Variants in PRUNE2 observed in about 807,000 individuals in gnomAD.
The protein encoded by PRUNE2 is prune homolog 2 with BCH domain.
A neutral mutation model predicts 252.0 loss-of-function variants in PRUNE2; 164 were observed. That is an observed-to-expected ratio of 0.65 (90% CI 0.57 to 0.74). The LOEUF is 0.74. PRUNE2 is among the 30% of genes least tolerant of loss of function. The pLI is 0.00. For missense variants in PRUNE2, 3,495 were observed against 3,711.0 expected (o/e 0.94, Z 1.51); for synonymous variants, 1,292 against 1,350.2 (o/e 0.96, Z 0.94).
At chr9:76,893,559 A>G (rs1159217472) in intron 1 of PRUNE2, among the ~76,000 whole-genome samples, 2 of 152,236 alleles carry the variant, frequency 1.3e-5, no homozygotes, top group Non-Finnish European at 2.9e-5. Flanking sequence ...CTCAGTGTTT[A>G]TGAGATTCAT....
At chr9:76,880,061 G>C (rs993913793) in intron 1 of PRUNE2, among the ~76,000 whole-genome samples, 1 of 150,930 alleles carries the variant, frequency 6.6e-6, no homozygotes, top group Non-Finnish European at 1.5e-5. Flanking sequence ...CTACAGGCAC[G>C]CGCCACCACG....
At chr9:76,781,626 C>T (rs1404858933) in intron 6 of PRUNE2, among the ~76,000 whole-genome samples, 1 of 152,182 alleles carries the variant, frequency 6.6e-6, no homozygotes, top group Non-Finnish European at 1.5e-5. Context: ...CTTCATAGCA[C>T]TTAAATTAGT....
intron 1 of PRUNE2, among the ~76,000 whole-genome samples, chr9:76,899,179 C>T (rs2063022654): frequency 6.6e-6 from 1 of 152,216 alleles, no homozygotes; most frequent in African/African-American, 2.4e-5. Context: ...AGTCTTTGAG[C>T]CACATGGAGG....
At chr9:76,827,361 A>C (rs976891595) in intron 4 of PRUNE2, among the ~76,000 whole-genome samples, 1 of 152,182 alleles carries the variant, frequency 6.6e-6, no homozygotes, top group African/African-American at 2.4e-5. Context: ...TAAATTACAA[A>C]GTAATTTTCC....
chr9:76,826,782 A>C (rs750575742), intron 4 of PRUNE2, 50 bp from the exon 5 acceptor site: 6 of 1,429,304 alleles, frequency 4.2e-6, no homozygotes, highest in Non-Finnish European at 5.7e-6. Context: ...CCAAGCCAGA[A>C]CAGGGGCCAA....
Position 76,706,230 on chromosome 9 carries a change from G to A in PRUNE2, c.6044C>T (p.Thr2015Ile), listed in dbSNP as rs1298435297. 1 of 1,613,844 alleles carries A rather than the reference G, an allele frequency of 6.2e-7. No homozygotes were observed. The highest frequency in any genetic ancestry group is 1.3e-5 in the African/African-American group (1 of 74,914). ...LGEMTNSSIA[T>I]ENFPAVSSPT... Reference sequence around the variant, plus strand: ...AGAACTGACAGCAGGAAAATTTTCTGTGGCAATGCTTGAATTTGTCATCTC... The same window carrying A: ...AGAACTGACAGCAGGAAAATTTTCTATGGCAATGCTTGAATTTGTCATCTC... The change falls in exon 8 of 19, where the codon ACA (threonine) becomes ATA (isoleucine). Residue 2015 changes from threonine (T) to isoleucine (I), a missense_variant. Physicochemically the swap from Thr to Ile is moderately conservative, Grantham distance 89. Transcript: ENST00000376718.
intron 10 of PRUNE2, among the ~76,000 whole-genome samples, chr9:76,653,832 T>C (rs1201307176): frequency 6.6e-6 from 1 of 152,174 alleles, no homozygotes; most frequent in East Asian, 1.9e-4. Flanking sequence ...GTGACAATCT[T>C]ATGTGTAGGC....
chr9:76,789,605 G>A (rs1043016031), intron 6 of PRUNE2, among the ~76,000 whole-genome samples: 5 of 152,100 alleles, frequency 3.3e-5, no homozygotes, highest in Admixed American at 1.3e-4. Context: ...ATTAGGAGTC[G>A]ACCAAGGAGC....
chr9:76,742,172 T>A, intron 6 of PRUNE2, among the ~76,000 whole-genome samples: 1 of 152,202 alleles, frequency 6.6e-6, no homozygotes, highest in Non-Finnish European at 1.5e-5. Context: ...AGAGACATAC[T>A]TGACTTTAAG....
chr9:76,863,016 T>A (rs2060640320), intron 1 of PRUNE2: 1 of 152,248 alleles, frequency 6.6e-6, no homozygotes, highest in Admixed American at 6.5e-5. Flanking sequence ...GAGTGAATGA[T>A]GATAACATTT....
At chr9:76,855,064 CA>C (rs772890225) in intron 1 of PRUNE2, among the ~76,000 whole-genome samples, 9,685 of 78,036 alleles carry the variant, frequency 0.12, 531 homozygotes, top group East Asian at 0.25. Context: ...GACTCCATCT[CA>C]AAAAAAAAAA....
At position 76,664,646 on chromosome 9, in the gene PRUNE2, G is replaced by A. The variant is rs142504885; in HGVS notation, c.8277-9144C>T. ...AGTGATTCTCCTGCCTCAGCCTCCC[G>A]AGTAGCTGGGATTACAGACGTGCAC... On this transcript the variant is annotated intron_variant, in intron 9 of 18. Transcript: ENST00000376718. 4.1e-3 allele frequency among the ~76,000 whole-genome samples: 627 copies of A among 152,086 alleles called. 6 individuals carry two copies. The highest frequency in any genetic ancestry group is 0.014 in the African/African-American group (584 of 41,476).
At chr9:76,759,425 C>G (rs572327040) in intron 6 of PRUNE2, 4 of 152,530 alleles carry the variant, frequency 2.6e-5, no homozygotes, top group African/African-American at 9.6e-5. Context: ...ATCCTGTGCC[C>G]ACACAGACCC....
Position 76,669,891 on chromosome 9 carries a change from T to A in PRUNE2, c.8277-14389A>T, listed in dbSNP as rs1222531669. ...ATGGGTTGAGTTGGGTAAATCTGAG[T>A]CACCTTTTAAGAAGCCTTCAGGGAA... On this transcript the variant is annotated intron_variant, in intron 9 of 18. Coordinates refer to ENST00000376718, the MANE Select transcript of PRUNE2 (RefSeq NM_015225.3). 1.3e-5 allele frequency among the ~76,000 whole-genome samples: 2 copies of A among 152,110 alleles called. 1 individual carries two copies. Among genetic ancestry groups the A allele is most frequent in the Non-Finnish European group, 2.9e-5 (2 of 68,024 alleles).
chr9:76,667,354 C>T (rs1434276957), intron 9 of PRUNE2, among the ~76,000 whole-genome samples: 1 of 152,214 alleles, frequency 6.6e-6, no homozygotes, highest in Non-Finnish European at 1.5e-5. Flanking sequence ...TCTTCAATGC[C>T]AGGGATGCCA....
chr9:76,703,262 T>C (rs769312162), intron 9 of PRUNE2, 75 bp downstream of exon 9: 59 of 1,352,920 alleles, frequency 4.4e-5, no homozygotes, highest in Non-Finnish European at 5.6e-5. Context: ...TCATATTCCA[T>C]AACCTCTAAC....
At chr9:76,819,970 A>G (rs1241687789) in intron 6 of PRUNE2, among the ~76,000 whole-genome samples, 1 of 152,222 alleles carries the variant, frequency 6.6e-6, no homozygotes, top group African/African-American at 2.4e-5. Context: ...TTCTCTTCTG[A>G]TGATCAAATC....
At chr9:76,902,801 G>A (rs1303334828) in intron 1 of PRUNE2, among the ~76,000 whole-genome samples, 1 of 152,214 alleles carries the variant, frequency 6.6e-6, no homozygotes, top group Non-Finnish European at 1.5e-5. Context: ...GCCCCAGGAG[G>A]AGGGATGCCT....
chr9:76,903,159 G>A (rs986039160), intron 1 of PRUNE2, among the ~76,000 whole-genome samples: 2 of 152,236 alleles, frequency 1.3e-5, no homozygotes, highest in African/African-American at 4.8e-5. Flanking sequence ...CAGAAAAAAA[G>A]ACACACAATT....
Sources: gnomAD v4.1 joint callset for allele counts (sites outside exome capture counted in the v4.1 genomes callset) on GRCh38, gnomAD v4.1.1 for gene constraint, MANE v1.5 for transcripts, NCBI Gene and HGNC (gene_info 2026-07-23, HGNC 2026-07-21) for gene names.